Variants in NR3C1 observed in about 807,000 individuals in gnomAD.
NR3C1 encodes the protein glucocorticoid receptor.
A neutral mutation model predicts 74.0 loss-of-function variants in NR3C1; 14 were observed. The observed-to-expected ratio is 0.19, with a 90% CI of 0.12 to 0.30. NR3C1 has a LOEUF of 0.30. Among genes scored for constraint, NR3C1 ranks in the 10% least tolerant of loss-of-function variants. The probability of loss-of-function intolerance (pLI) is 1.00; values close to 1 mark genes in which losing one functional copy is unlikely to be tolerated. For synonymous variants in NR3C1, 308 were observed against 332.5 expected (o/e 0.93, Z 0.80); for missense variants, 695 against 909.8 (o/e 0.76, Z 3.04).
At chr5:143,402,425 T>A (rs1840464765) in intron 1 of NR3C1, among the ~76,000 whole-genome samples, 1 of 152,208 alleles carries the variant, frequency 6.6e-6, no homozygotes, top group Non-Finnish European at 1.5e-5. Context: ...AACGTCAAAC[T>A]AGCACTTGTA....
chr5:143,298,518 C>T, intron 6 of NR3C1, 150 bp downstream of exon 6: 8 of 781,358 alleles, frequency 1.0e-5, no homozygotes, highest in South Asian at 7.3e-5. Flanking sequence ...GCCCCAAGCA[C>T]TCATAACTCT....
At chr5:143,434,564 C>T in exon 1 of NR3C1, 1 of 985,402 alleles carries the variant, frequency 1.0e-6, no homozygotes, top group Non-Finnish European at 1.2e-6. Context: ...GAAGCAAAGT[C>T]TTCTTTGTTC....
chr5:143,337,992 C>T (rs924964325), intron 2 of NR3C1, among the ~76,000 whole-genome samples: 12 of 152,176 alleles, frequency 7.9e-5, no homozygotes, highest in African/African-American at 2.9e-4. Context: ...GGTAATTACA[C>T]ACTGCTAGCT....
intron 2 of NR3C1, among the ~76,000 whole-genome samples, chr5:143,397,308 G>C (rs1410788836): frequency 1.3e-5 from 2 of 151,796 alleles, no homozygotes; most frequent in Non-Finnish European, 3.0e-5. Flanking sequence ...AAAGTCAGAA[G>C]GTCAGTATTC....
At chr5:143,322,878 C>G (rs1301903429) in intron 2 of NR3C1, among the ~76,000 whole-genome samples, 3 of 152,140 alleles carry the variant, frequency 2.0e-5, no homozygotes, top group Non-Finnish European at 4.4e-5. Flanking sequence ...GTTTCTTTTG[C>G]TATCTGGATT....
intron 2 of NR3C1, among the ~76,000 whole-genome samples, chr5:143,326,564 T>C (rs1444538002): frequency 2.0e-5 from 3 of 152,230 alleles, no homozygotes; most frequent in African/African-American, 7.2e-5. Flanking sequence ...TAGGAGTGTT[T>C]TGTATATTCA....
chr5:143,395,363 T>C (rs12655424), intron 2 of NR3C1, among the ~76,000 whole-genome samples: 7 of 151,902 alleles, frequency 4.6e-5, no homozygotes, highest in East Asian at 1.9e-4. Context: ...TAAAGGTCAA[T>C]ATGTAATGGA....
chr5:143,297,751 A>C (rs1400321526), intron 6 of NR3C1, among the ~76,000 whole-genome samples: 1 of 152,228 alleles, frequency 6.6e-6, no homozygotes, highest in Non-Finnish European at 1.5e-5. Context: ...ACAAGGTAGA[A>C]AGTGAGAGTA....
chr5:143,391,538 G>T (rs1838218335), intron 2 of NR3C1, among the ~76,000 whole-genome samples: 1 of 151,868 alleles, frequency 6.6e-6, no homozygotes, highest in South Asian at 2.1e-4. Context: ...TATCAGAATA[G>T]GAAATACCAG....
intron 2 of NR3C1, among the ~76,000 whole-genome samples, chr5:143,368,040 A>G (rs1833565117): frequency 6.6e-6 from 1 of 152,258 alleles, no homozygotes; most frequent in Non-Finnish European, 1.5e-5. Flanking sequence ...TACTGGCATA[A>G]GATTAGACAT....
chr5:143,302,945 T>C (rs1410956686), intron 4 of NR3C1, among the ~76,000 whole-genome samples: 1 of 152,054 alleles, frequency 6.6e-6, no homozygotes, highest in Non-Finnish European at 1.5e-5. Flanking sequence ...TACTTCCTTC[T>C]TAATGAAAGT....
chr5:143,391,035 T>C (rs1320036120), intron 2 of NR3C1, among the ~76,000 whole-genome samples: 1 of 152,132 alleles, frequency 6.6e-6, no homozygotes, highest in Non-Finnish European at 1.5e-5. Flanking sequence ...TTTTGGGTTT[T>C]CTGTTTTAAA....
chr5:143,414,288 T>C (rs752218603), intron 1 of NR3C1, among the ~76,000 whole-genome samples: 11 of 152,294 alleles, frequency 7.2e-5, no homozygotes, highest in Middle Eastern at 3.4e-3. Context: ...AACAATATGA[T>C]GGGTATAGGC....
intron 2 of NR3C1, among the ~76,000 whole-genome samples, chr5:143,348,181 T>A (rs2151769385): frequency 6.6e-6 from 1 of 152,330 alleles, no homozygotes; most frequent in African/African-American, 2.4e-5. Context: ...TCCGGTAGCA[T>A]ACTTTGGAGC....
At position 143,300,366 on chromosome 5, in the gene NR3C1, C is replaced by A. The variant is rs779529493; in HGVS notation, c.1747+119G>T. 5 of 1,231,164 alleles carry A rather than the reference C, an allele frequency of 4.1e-6. No individual in the cohort carries two copies. Among genetic ancestry groups the A allele is most frequent in the Non-Finnish European group, 5.9e-6 (5 of 841,802 alleles). The allele number at this position is 1,231,164 out of a possible 1,614,324, so 76.3% of individuals were successfully genotyped here. A position where few individuals can be genotyped will look rare whatever the true frequency, so the allele number is the denominator to read the frequency against. ...TTCACCTGACTCTCCCCTTCATAGT[C>A]CCCAGAACTAAGAGAAACAAGATAA... On this transcript the variant is annotated intron_variant, in intron 5 of 8. Transcript: ENST00000394464. This position sits in a 1 kb window ranked among gnomAD's most constrained non-coding sequence, Gnocchi z 5.2.
intron 2 of NR3C1, among the ~76,000 whole-genome samples, chr5:143,317,611 T>TA (rs910622485): frequency 2.0e-4 from 30 of 152,254 alleles, no homozygotes; most frequent in African/African-American, 6.0e-4. Flanking sequence ...GAGTTTATGT[T>TA]AGAGTTCAGA....
exon 1 of NR3C1, chr5:143,435,338 G>C: frequency 1.0e-6 from 1 of 985,436 alleles, no homozygotes. Context: ...GAAGATCTAA[G>C]TTTTCTCCTT....
At chr5:143,349,733 C>G (rs973283482) in intron 2 of NR3C1, among the ~76,000 whole-genome samples, 1 of 152,144 alleles carries the variant, frequency 6.6e-6, no homozygotes, top group African/African-American at 2.4e-5. Context: ...ATACTAGGCA[C>G]TGGGGTATAC....
chr5:143,315,222 T>G (rs1821813876), intron 2 of NR3C1, among the ~76,000 whole-genome samples: 1 of 152,210 alleles, frequency 6.6e-6, no homozygotes, highest in Non-Finnish European at 1.5e-5. Context: ...AATTAATTAT[T>G]GCATTTCATA....
Sources: allele counts gnomAD v4.1 joint callset (sites outside exome capture counted in the v4.1 genomes callset), GRCh38; gene constraint gnomAD v4.1.1; non-coding constraint Gnocchi (gnomAD v3.1); transcripts MANE v1.5; gene names NCBI Gene and HGNC (gene_info 2026-07-23, HGNC 2026-07-21).